NAPSA: variants seen among roughly 807,000 people sequenced by gnomAD.
The protein encoded by NAPSA is napsin A aspartic peptidase.
Under a neutral mutation model 36.7 loss-of-function variants are expected in NAPSA, and 37 were observed. The ratio of observed to expected loss-of-function variants is 1.01; its 90% CI spans 0.78 to 1.33. The LOEUF is 1.33. Ranked by LOEUF, NAPSA falls within the 40% of genes most tolerant of loss-of-function variation. The pLI is 0.00. For missense variants in NAPSA, 532 were observed against 543.8 expected, an observed-to-expected ratio of 0.98 and a Z score of 0.21; for synonymous variants, 222 against 234.5, an observed-to-expected ratio of 0.95 and a Z score of 0.49.
At position 50,362,045 on chromosome 19, in the gene NAPSA, G is replaced by T. The variant is rs759114955; in HGVS notation, c.273C>A (p.Phe91Leu). The T allele has an allele frequency of 9.3e-6, 15 of 1,613,388 alleles. No individual in the cohort carries two copies. The highest frequency in any genetic ancestry group is 1.2e-5 in the Non-Finnish European group (14 of 1,179,860). ...EIGLGTPPQN[F>L]TVAFDTGSSN... The stretch of plus-strand genomic sequence containing the variant: ...AGGAGCCAGTGTCAAAGGCAACAGT[G>T]AAGTTTTGTGGAGGCGTTCCCAGCC... The change falls in exon 3 of 9, where the codon TTC becomes TTA. Residue 91 changes from phenylalanine (F) to leucine (L), a missense_variant. This residue lies in a region of NAPSA where 45 missense variants were observed against 78.7 expected (regional missense o/e 0.57). Transcript: ENST00000253719.
Position 50,358,650 on chromosome 19 carries a change from T to A in NAPSA, c.1166A>T (p.Asp389Val). The A allele has an allele frequency of 6.2e-7, 1 of 1,612,846 alleles. No individual in the cohort carries two copies. ...GCCCACCCGGGCGCTGCTCTTCATG[T>A]CCCCGCGGTCGAAGACGGCCACATA... ...GTYVAVFDRG[D>V]MKSSARVGLA... Residue 389 changes from aspartate to valine, a missense_variant, in exon 9 of 9, where the codon GAC (aspartate) becomes GTC (valine). This residue lies in a region of NAPSA where 385 missense variants were observed against 371.5 expected (regional missense o/e 1.04). Coordinates refer to ENST00000253719, the MANE Select transcript of NAPSA (RefSeq NM_004851.3).
rs2037447657 is a variant in NAPSA, at chr19:50,359,769, G to A, written c.762C>T (p.Val254=). 4 of 1,614,094 alleles carry A rather than the reference G, an allele frequency of 2.5e-6. No homozygotes were observed. Among genetic ancestry groups the A allele is most frequent in the Non-Finnish European group, 3.4e-6 (4 of 1,180,052 alleles). ...CCATGTGGATCTGCCAGTAGGCAGG[G>A]ACCGTGACTGGCACGAAGGTGAGGG... ...IPPLTFVPVT[V]PAYWQIHMER... The change falls in exon 6 of 9, where the codon GTC becomes GTT. Residue 254 remains valine (V), a synonymous_variant. Coordinates refer to ENST00000253719, the MANE Select transcript of NAPSA (RefSeq NM_004851.3).
intron 5 of NAPSA, 63 bp from the exon 6 acceptor site, chr19:50,359,925 T>C: frequency 1.3e-6 from 2 of 1,562,418 alleles, no homozygotes. Flanking sequence ...CAGCCCTAGG[T>C]ATTGCCAGGA....
At chr19:50,367,152 G>A (rs2037558645), upstream of NAPSA, among the ~76,000 whole-genome samples, 1 of 152,128 alleles carries the variant, frequency 6.6e-6, no homozygotes, top group East Asian at 1.9e-4. Context: ...TGTATTTTTA[G>A]AAGAGACAGG....
At position 50,358,555 on chromosome 19, in the gene NAPSA, A is replaced by G. The variant is rs1176782217; in HGVS notation, c.1261T>C (p.Ter421ArgextTer?). ...TGCGCATGCGCTTCACTTGGGCGTC[A>G]CCCGGGGAACTGCGCCTGCGCAGTC... ...GETAQAQFPG[*>R] is the part of the protein sequence containing the mutation. Residue 421 changes from the stop codon to arginine (R), a stop_lost, in exon 9 of 9, where the codon TGA becomes CGA. Transcript: ENST00000253719. 12 of 1,588,096 alleles carry G rather than the reference A, an allele frequency of 7.6e-6. No individual in the cohort carries two copies. Among genetic ancestry groups the G allele is most frequent in the Middle Eastern group, 1.7e-4 (1 of 5,938 alleles).
At chr19:50,359,144 T>C (rs540940242) in intron 7 of NAPSA, 35 bp from the exon 8 acceptor site, 2 of 1,530,046 alleles carry the variant, frequency 1.3e-6, no homozygotes, top group African/African-American at 2.7e-5. Context: ...AGATGAGAGA[T>C]TCCTGCTCTG....
chr19:50,362,880 G>A (rs2037496499), intron 1 of NAPSA: 1 of 152,246 alleles, frequency 6.6e-6, no homozygotes, highest in Non-Finnish European at 1.5e-5. Context: ...CCCTTAAGCT[G>A]AGTGTTTGCA....
chr19:50,363,816 T>C (rs2037506885), intron 1 of NAPSA, among the ~76,000 whole-genome samples: 1 of 152,080 alleles, frequency 6.6e-6, no homozygotes, highest in South Asian at 2.1e-4. Context: ...CTTCCCACCT[T>C]GGACTTCCAA....
In NAPSA at chr19:50,362,276, G is replaced by A. The variant is rs1300906094; in HGVS notation, c.121C>T (p.Leu41=). ...LHRVQPGRRI[L]NLLRGWREPA... ...TCTCTCCATCCCCTCAGTAGGTTCAGGATCCTGCGTCCAGGTTGGACTCGA... is the reference window on the plus strand; with the variant it reads ...TCTCTCCATCCCCTCAGTAGGTTCAAGATCCTGCGTCCAGGTTGGACTCGA... The change falls in exon 2 of 9, where the codon CTG becomes TTG. Residue 41 remains leucine, a synonymous_variant. Transcript: ENST00000253719. 3 of 1,613,384 alleles carry A rather than the reference G, an allele frequency of 1.9e-6. No individual in the cohort carries two copies. The highest frequency in any genetic ancestry group is 2.7e-5 in the African/African-American group (2 of 74,914).
chr19:50,361,534 TC>T, intron 4 of NAPSA, 128 bp downstream of exon 4: 1 of 804,238 alleles, frequency 1.2e-6, no homozygotes, highest in Non-Finnish European at 2.1e-6. Flanking sequence ...AGGCAGGCCC[TC>T]CTCCCCACTT....
chr19:50,364,314 CAAAAAA>C (rs56181758), intron 1 of NAPSA, among the ~76,000 whole-genome samples: 2 of 65,852 alleles, frequency 3.0e-5, no homozygotes, highest in Non-Finnish European at 6.0e-5. Context: ...GACTCCGTCT[CAAAAAA>C]AAAAAAAAAA....
intron 1 of NAPSA, among the ~76,000 whole-genome samples, chr19:50,364,194 G>A (rs910251431): frequency 2.6e-5 from 4 of 151,744 alleles, no homozygotes; most frequent in African/African-American, 9.7e-5. Context: ...GGTGACTCAC[G>A]CCTGTAATCC....
At chr19:50,359,297 G>A (rs992443486) in intron 7 of NAPSA, 188 bp from the exon 8 acceptor site, 3 of 851,426 alleles carry the variant, frequency 3.5e-6, no homozygotes, top group East Asian at 2.7e-5. Context: ...CCCTCCACCC[G>A]GCCACCATCC....
At chr19:50,360,863 G>A in intron 5 of NAPSA, 78 bp downstream of exon 5, 2 of 1,369,920 alleles carry the variant, frequency 1.5e-6, no homozygotes, top group Non-Finnish European at 2.0e-6. Flanking sequence ...TTCCTGCATT[G>A]GGTCAGTGAC....
At chr19:50,362,815 C>T (rs534067558) in intron 1 of NAPSA, 5 of 152,686 alleles carry the variant, frequency 3.3e-5, no homozygotes, top group African/African-American at 1.2e-4. Flanking sequence ...CCACTATGCC[C>T]TGTCCGGGTT....
chr19:50,358,493 A>ATTTT lies in NAPSA; in HGVS notation c.*56_*59dup. ...CAGGTTCGCTCAATGGAAATAGTGG[A>ATTTT]TTTTTACTGGGTAGCAGGACCTCCG... On this transcript the variant is annotated 3_prime_UTR_variant, in exon 9 of 9. Transcript: ENST00000253719. The ATTTT allele has an allele frequency of 7.2e-7, 1 of 1,391,280 alleles. No homozygotes were observed. The highest frequency in any genetic ancestry group is 9.6e-7 in the Non-Finnish European group (1 of 1,040,926). The allele number at this position is 1,391,280 out of a possible 1,614,324, so 86.2% of individuals were successfully genotyped here. A position where few individuals can be genotyped will look rare whatever the true frequency, so the allele number is the denominator to read the frequency against.
intron 4 of NAPSA, 31 bp downstream of exon 4, chr19:50,361,632 T>C: frequency 6.4e-7 from 1 of 1,569,812 alleles, no homozygotes; most frequent in Non-Finnish European, 8.8e-7. Flanking sequence ...TCTCCCAGGC[T>C]CAAGACTTCT....
upstream of NAPSA, among the ~76,000 whole-genome samples, chr19:50,367,901 T>C (rs1194846674): frequency 1.3e-5 from 2 of 152,122 alleles, no homozygotes; most frequent in African/African-American, 4.8e-5. Flanking sequence ...CTCATGCCTG[T>C]AATCCCAGCA....
upstream of NAPSA, among the ~76,000 whole-genome samples, chr19:50,367,536 G>GTCTC (rs60930348): frequency 1.9e-4 from 27 of 139,674 alleles, no homozygotes; most frequent in Admixed American, 9.1e-4. Flanking sequence ...AACAGAGTCA[G>GTCTC]TCTCTCTCTC....
Sources: gnomAD v4.1 joint callset for allele counts (sites outside exome capture counted in the v4.1 genomes callset) on GRCh38, gnomAD v4.1.1 for gene constraint, gnomAD v4.1.1 regional missense constraint, MANE v1.5 for transcripts, NCBI Gene and HGNC (gene_info 2026-07-23, HGNC 2026-07-21) for gene names.